The following SLC8A1 variants were observed in gnomAD, a reference collection of about 807,000 sequenced individuals.
SLC8A1 encodes sodium/calcium exchanger 1.
In SLC8A1, 18 loss-of-function variants were observed where a neutral mutation model predicts 68.3. That is an observed-to-expected ratio of 0.26 (90% CI 0.18 to 0.39). The LOEUF is 0.39. Ranked by LOEUF, SLC8A1 falls within the 10% of genes least tolerant of loss-of-function variation. The probability of loss-of-function intolerance (pLI) is 1.00; values close to 1 mark genes in which losing one functional copy is unlikely to be tolerated. For missense variants in SLC8A1, 985 were observed against 1,156.7 expected, an observed-to-expected ratio of 0.85 and a Z score of 2.15; for synonymous variants, 475 against 415.5, an observed-to-expected ratio of 1.14 and a Z score of -1.74.
intron 2 of SLC8A1, among the ~76,000 whole-genome samples, chr2:40,384,542 C>T (rs926095732): frequency 2.0e-5 from 3 of 152,058 alleles, no homozygotes; most frequent in Admixed American, 6.6e-5. Flanking sequence ...GAACTAAATT[C>T]TTCTATAAAT....
chr2:40,379,029 T>G (rs1242620347), intron 2 of SLC8A1, among the ~76,000 whole-genome samples: 1 of 152,156 alleles, frequency 6.6e-6, no homozygotes, highest in Non-Finnish European at 1.5e-5. Flanking sequence ...GGGCAGGCTC[T>G]TTGTCCATCT....
intron 5 of SLC8A1, among the ~76,000 whole-genome samples, chr2:40,161,859 T>G (rs1304301301): frequency 1.3e-5 from 2 of 152,188 alleles, no homozygotes; most frequent in East Asian, 3.9e-4. Context: ...AAACACATTA[T>G]TTGTCATAGG....
intron 2 of SLC8A1, among the ~76,000 whole-genome samples, chr2:40,415,861 C>CACAT (rs1693679143): frequency 6.3e-5 from 1 of 15,938 alleles, no homozygotes; most frequent in Non-Finnish European, 1.2e-4. Context: ...TAAAAGTATA[C>CACAT]ACACACACAC....
chr2:40,365,901 A>C (rs370936053), intron 2 of SLC8A1, among the ~76,000 whole-genome samples: 1 of 151,822 alleles, frequency 6.6e-6, no homozygotes, highest in East Asian at 1.9e-4. Context: ...AGGGAGGCTG[A>C]GGCAGGACTG....
chr2:40,177,710 G>C (rs1025818321), intron 3 of SLC8A1: 3 of 1,188,842 alleles, frequency 2.5e-6, no homozygotes, highest in Non-Finnish European at 3.7e-6. Flanking sequence ...GGAGAGAGAA[G>C]AGTACAATTT....
At chr2:40,105,473 C>G (rs2034138048) in exon 8 of SLC8A1, 1 of 152,184 alleles carries the variant, frequency 6.6e-6, no homozygotes, top group Non-Finnish European at 1.5e-5. Context: ...TAATTCTAAA[C>G]AGTGATTAAG....
intron 2 of SLC8A1, among the ~76,000 whole-genome samples, chr2:40,296,785 G>C (rs1254987981): frequency 6.6e-6 from 1 of 152,120 alleles, no homozygotes; most frequent in Non-Finnish European, 1.5e-5. Flanking sequence ...ATTGCCATGA[G>C]CTATCTTTGC....
At chr2:40,224,275 C>A (rs769772403) in intron 2 of SLC8A1, among the ~76,000 whole-genome samples, 18 of 151,900 alleles carry the variant, frequency 1.2e-4, no homozygotes, top group Non-Finnish European at 2.1e-4. Flanking sequence ...GACAGAGGCC[C>A]GATTAAAAGG....
chr2:40,483,626 G>A (rs550908644), intron 1 of SLC8A1, among the ~76,000 whole-genome samples: 8 of 152,256 alleles, frequency 5.3e-5, no homozygotes, highest in South Asian at 4.1e-4. Flanking sequence ...ATTATATTAC[G>A]GTAAAGTGAG....
At chr2:40,495,529 A>C (rs1188318624) in intron 1 of SLC8A1, among the ~76,000 whole-genome samples, 1 of 152,074 alleles carries the variant, frequency 6.6e-6, no homozygotes. Flanking sequence ...TATCAGGGAA[A>C]AATGTGTGTA....
At chr2:40,469,255 G>T (rs1047886594) in intron 1 of SLC8A1, among the ~76,000 whole-genome samples, 4 of 152,110 alleles carry the variant, frequency 2.6e-5, no homozygotes, top group Non-Finnish European at 4.4e-5. Context: ...CCTACATGTT[G>T]GAGGAGAGGC....
chr2:40,222,167 T>G (rs1220352514), intron 2 of SLC8A1, among the ~76,000 whole-genome samples: 1 of 150,326 alleles, frequency 6.7e-6, no homozygotes, highest in South Asian at 2.1e-4. Context: ...GGTACCAAAT[T>G]AGATATATAT....
At chr2:40,315,624 T>G (rs1043434339) in intron 2 of SLC8A1, among the ~76,000 whole-genome samples, 1 of 151,886 alleles carries the variant, frequency 6.6e-6, no homozygotes, top group Admixed American at 6.6e-5. Context: ...CTTGAAGAAT[T>G]GGTCAAAATA....
At chr2:40,102,971 AGC>A in exon 8 of SLC8A1, 2 of 152,298 alleles carry the variant, frequency 1.3e-5, no homozygotes, top group Non-Finnish European at 2.9e-5. Context: ...CAGAAATATT[AGC>A]TATTTTAATT....
rs369797074 is a variant in SLC8A1, at chr2:40,115,329, C to A, written c.2738G>T (p.Cys913Phe). The change falls in exon 8 of 8, where the codon TGC (cysteine) becomes TTC (phenylalanine). Residue 913 changes from cysteine to phenylalanine, a missense_variant. Cys to Phe is a radical substitution (Grantham distance 205, BLOSUM62 -2). Coordinates refer to ENST00000406785, the Ensembl canonical transcript of SLC8A1. ...CAAGAGCCATAGGAGCACAAAGAGG[C>A]AGGATGTGAGGAGCTTGGCAGTCCG... 85 of 1,614,162 alleles carry A rather than the reference C, an allele frequency of 5.3e-5. No homozygotes were observed. In the East Asian group the frequency reaches 1.0e-3, roughly 20 times the overall value.
At chr2:40,394,385 A>C (rs1031168044) in intron 2 of SLC8A1, among the ~76,000 whole-genome samples, 2 of 151,904 alleles carry the variant, frequency 1.3e-5, no homozygotes, top group Non-Finnish European at 2.9e-5. Context: ...AGGGCACTGA[A>C]ATTTAACTAT....
At chr2:40,360,898 A>G (rs895527296) in intron 2 of SLC8A1, among the ~76,000 whole-genome samples, 2 of 152,076 alleles carry the variant, frequency 1.3e-5, no homozygotes, top group South Asian at 2.1e-4. Context: ...AATCTAGAAA[A>G]TCATTCAAGG....
intron 2 of SLC8A1, among the ~76,000 whole-genome samples, chr2:40,392,911 C>T (rs1387444553): frequency 6.6e-6 from 1 of 152,022 alleles, no homozygotes; most frequent in Non-Finnish European, 1.5e-5. Flanking sequence ...TAAATACTTA[C>T]TGTTTGTGCC....
intron 2 of SLC8A1, among the ~76,000 whole-genome samples, chr2:40,327,233 G>A (rs528045619): frequency 2.6e-5 from 4 of 152,090 alleles, no homozygotes; most frequent in South Asian, 2.1e-4. Flanking sequence ...AGTCTTCATA[G>A]TTTTTAAAAG....
Sources: allele counts gnomAD v4.1 joint callset (sites outside exome capture counted in the v4.1 genomes callset), GRCh38; gene constraint gnomAD v4.1.1; transcripts MANE v1.5; gene names NCBI Gene and HGNC (gene_info 2026-07-23, HGNC 2026-07-21).